The following LGR5 variants were observed in gnomAD, a reference collection of about 807,000 sequenced individuals.
LGR5 encodes the protein leucine-rich repeat-containing G protein-coupled receptor 5.
Under a neutral mutation model 76.7 loss-of-function variants are expected in LGR5, and 54 were observed. The ratio of observed to expected loss-of-function variants is 0.70; its 90% CI spans 0.57 to 0.88. LGR5 has a LOEUF of 0.88. LGR5 is among the 40% of genes least tolerant of loss of function. LGR5 has a pLI of 0.00. For synonymous variants in LGR5, 406 were observed against 421.9 expected (o/e 0.96, Z 0.46); for missense variants, 1,078 against 1,073.3 (o/e 1.00, Z -0.06).
intron 1 of LGR5, among the ~76,000 whole-genome samples, chr12:71,453,464 CTT>C (rs565288717): frequency 0.039 from 5,357 of 138,220 alleles, 124 homozygotes; most frequent in African/African-American, 0.071. Context: ...TTATCCTTTC[CTT>C]TTTTTTTTTT....
intron 1 of LGR5, among the ~76,000 whole-genome samples, chr12:71,490,385 T>G (rs56745322): frequency 6.6e-6 from 1 of 152,140 alleles, no homozygotes; most frequent in Non-Finnish European, 1.5e-5. Flanking sequence ...TAAATCAGTG[T>G]GAGGGGTCAA....
intron 17 of LGR5, 97 bp from the exon 18 acceptor site, chr12:71,583,550 A>G (rs1336523625): frequency 1.4e-6 from 2 of 1,385,178 alleles, no homozygotes; most frequent in East Asian, 2.3e-5. Context: ...TTTGACCATT[A>G]TCTCTTGGCA....
intron 1 of LGR5, among the ~76,000 whole-genome samples, chr12:71,448,017 T>C (rs1319529458): frequency 6.6e-6 from 1 of 151,968 alleles, no homozygotes; most frequent in Non-Finnish European, 1.5e-5. Context: ...TGTTTCAAAC[T>C]GTTCCTCAGT....
intron 2 of LGR5, among the ~76,000 whole-genome samples, chr12:71,513,833 G>C (rs1875291653): frequency 6.6e-6 from 1 of 152,206 alleles, no homozygotes; most frequent in South Asian, 2.1e-4. Flanking sequence ...AGCTATCTTG[G>C]AATAGTTATG....
At chr12:71,509,405 CTG>C (rs1330805421) in intron 2 of LGR5, among the ~76,000 whole-genome samples, 1 of 152,176 alleles carries the variant, frequency 6.6e-6, no homozygotes, top group Non-Finnish European at 1.5e-5. Context: ...ACTTGAAAAA[CTG>C]TTTCCAATTC....
chr12:71,554,498 C>G lies in LGR5; in HGVS notation c.644+1210C>G, dbSNP rs565855597. Among the ~76,000 whole-genome samples the G allele has an allele frequency of 2.6e-5, 4 of 152,332 alleles. No individual in the cohort carries two copies. The East Asian group carries it at 7.7e-4, about 29-fold the overall frequency. On this transcript the variant is annotated intron_variant, in intron 5 of 17. Transcript: ENST00000266674. The stretch of plus-strand genomic sequence containing the variant: ...TGACTCCTAAACCATAATTTCTAAT[C>G]TGTGGCTAATTTGTTACTTCTACAA...
At chr12:71,468,709 C>CTTTT (rs538254378) in intron 1 of LGR5, among the ~76,000 whole-genome samples, 49 of 70,028 alleles carry the variant, frequency 7.0e-4, no homozygotes, top group African/African-American at 1.4e-3. Context: ...GTGGTAGCCT[C>CTTTT]TTTTTTTTTT....
At chr12:71,555,289 C>G (rs1225565172) in intron 5 of LGR5, among the ~76,000 whole-genome samples, 1 of 152,136 alleles carries the variant, frequency 6.6e-6, no homozygotes, top group African/African-American at 2.4e-5. Context: ...GCTTTAATTT[C>G]TTTTCCTCCA....
At position 71,465,330 on chromosome 12, in the gene LGR5, G is replaced by A. The variant is rs868234014; in HGVS notation, c.212+25038G>A. Among the ~76,000 whole-genome samples, 8 of 152,246 alleles carry A rather than the reference G, an allele frequency of 5.3e-5. No individual in the cohort carries two copies. The South Asian group carries it at 1.0e-3, about 20-fold the overall frequency. On this transcript the variant is annotated intron_variant, in intron 1 of 17. Transcript: ENST00000266674. ...GAAAGTGGACTCACCACAGTAAGGC[G>A]GTGCTACTCTGAAAATGGCCAACCC...
intron 4 of LGR5, 80 bp from the exon 5 acceptor site, chr12:71,552,993 A>G (rs1877565585): frequency 2.3e-6 from 3 of 1,291,128 alleles, no homozygotes. Context: ...TTCATCATGC[A>G]TGGGGAGGGT....
intron 4 of LGR5, 66 bp downstream of exon 4, chr12:71,535,252 G>T: frequency 9.2e-7 from 1 of 1,088,572 alleles, no homozygotes; most frequent in Non-Finnish European, 1.4e-6. Context: ...GAAATGTTCA[G>T]TTGACCATTT....
At chr12:71,504,761 G>A (rs1045098753) in intron 2 of LGR5, 76 bp downstream of exon 2, 34 of 1,212,452 alleles carry the variant, frequency 2.8e-5, no homozygotes, top group Non-Finnish European at 4.1e-5. Context: ...TACTTACTGT[G>A]GGAACCAGAT....
intron 4 of LGR5, among the ~76,000 whole-genome samples, chr12:71,551,378 C>T (rs1239526330): frequency 1.3e-5 from 2 of 152,176 alleles, no homozygotes; most frequent in African/African-American, 4.8e-5. Flanking sequence ...ATTTTGTGAT[C>T]CTGGTGTGCT....
chr12:71,507,099 A>G (rs1874894940), intron 2 of LGR5, among the ~76,000 whole-genome samples: 1 of 152,208 alleles, frequency 6.6e-6, no homozygotes, highest in South Asian at 2.1e-4. Context: ...ATTTCAGTGA[A>G]TTATAACAAC....
intron 1 of LGR5, among the ~76,000 whole-genome samples, chr12:71,448,156 C>T (rs1872099790): frequency 6.6e-6 from 1 of 151,840 alleles, no homozygotes; most frequent in South Asian, 2.1e-4. Flanking sequence ...CTTTTCAAAG[C>T]CTACACTGAG....
At chr12:71,560,122 A>G (rs1490473324) in intron 7 of LGR5, among the ~76,000 whole-genome samples, 1 of 152,216 alleles carries the variant, frequency 6.6e-6, no homozygotes, top group Admixed American at 6.5e-5. Context: ...CCCTTGAACA[A>G]CTAGGGGTTA....
intron 13 of LGR5, among the ~76,000 whole-genome samples, chr12:71,576,928 T>G (rs1028020000): frequency 3.9e-5 from 6 of 152,166 alleles, no homozygotes; most frequent in African/African-American, 1.4e-4. Flanking sequence ...TTTTCTACCT[T>G]CCATACGTTT....
Position 71,584,772 on chromosome 12 carries a change from C to A in LGR5, c.*38C>A. The A allele has an allele frequency of 6.3e-7, 1 of 1,577,858 alleles. No homozygotes were observed. Among genetic ancestry groups the A allele is most frequent in the Non-Finnish European group, 8.6e-7 (1 of 1,157,816 alleles). On this transcript the variant is annotated 3_prime_UTR_variant, in exon 18 of 18. Coordinates refer to ENST00000266674, the MANE Select transcript of LGR5 (RefSeq NM_003667.4). Reference sequence around the variant, plus strand: ...GGAAAATGTTTTCAAAGGTTGAGAACCTGAAAATGTGAGATTGAGTATATC... The same window carrying A: ...GGAAAATGTTTTCAAAGGTTGAGAAACTGAAAATGTGAGATTGAGTATATC...
Position 71,462,910 on chromosome 12 carries a change from C to T in LGR5, c.212+22618C>T, listed in dbSNP as rs543256051. Among the ~76,000 whole-genome samples the T allele has an allele frequency of 2.0e-5, 3 of 152,274 alleles. No homozygotes were observed. The South Asian group carries it at 6.2e-4, about 32-fold the overall frequency. On this transcript the variant is annotated intron_variant, in intron 1 of 17. Transcript: ENST00000266674. ...TCTGCCCACTGCTCTTCAGGGAAAA[C>T]TCACACCAAAGTAGTCATATCATAT...
Sources: gnomAD v4.1 joint callset for allele counts (sites outside exome capture counted in the v4.1 genomes callset) on GRCh38, gnomAD v4.1.1 for gene constraint, MANE v1.5 for transcripts, NCBI Gene and HGNC (gene_info 2026-07-23, HGNC 2026-07-21) for gene names.